The following DIP2C variants were observed in gnomAD, a reference collection of about 807,000 sequenced individuals.
DIP2C encodes disco-interacting protein 2 homolog C.
In DIP2C, 33 loss-of-function variants were observed where a neutral mutation model predicts 192.4. The observed-to-expected ratio is 0.17, with a 90% CI of 0.13 to 0.23. The LOEUF (loss-of-function observed/expected upper bound fraction) is 0.23, where lower values mean the gene tolerates loss of function less well. DIP2C is among the 10% of genes least tolerant of loss of function. DIP2C has a pLI of 1.00. For missense variants in DIP2C, 1,537 were observed against 2,110.1 expected (o/e 0.73, Z 5.32); for synonymous variants, 979 against 864.1 (o/e 1.13, Z -2.33).
chr10:651,423 A>C lies in DIP2C; in HGVS notation c.85+38071T>G, dbSNP rs1244826350. Reference sequence around the variant, plus strand: ...AACCAAACTCGTGACTGAATGAACAAGTATGTTAAGTCGTTAAGTAAAAAT... The same window carrying C: ...AACCAAACTCGTGACTGAATGAACACGTATGTTAAGTCGTTAAGTAAAAAT... On this transcript the variant is annotated intron_variant, in intron 1 of 36. Transcript: ENST00000280886. The surrounding 1 kb of genome is among the most constrained non-coding windows in gnomAD (Gnocchi z 4.1). 1 of 692,696 alleles carries C rather than the reference A, an allele frequency of 1.4e-6. No individual in the cohort carries two copies. Among genetic ancestry groups the C allele is most frequent in the South Asian group, 1.5e-5 (1 of 66,468 alleles). 42.9% of individuals were successfully genotyped at this position (692,696 alleles called of 1,614,324 possible). A position where few individuals can be genotyped will look rare whatever the true frequency, so the allele number is the denominator to read the frequency against.
intron 1 of DIP2C, among the ~76,000 whole-genome samples, chr10:596,445 G>A (rs1362078222): frequency 1.6e-5 from 2 of 126,026 alleles, no homozygotes; most frequent in Admixed American, 1.0e-4. Context: ...GCAGTGAGCC[G>A]AGATCATGCC....
At chr10:534,687 T>G (rs1405309510) in intron 1 of DIP2C, among the ~76,000 whole-genome samples, 2 of 150,752 alleles carry the variant, frequency 1.3e-5, no homozygotes, top group Non-Finnish European at 3.0e-5. Flanking sequence ...TTTTTTTTTT[T>G]GAGACGGAGT....
intron 22 of DIP2C, among the ~76,000 whole-genome samples, chr10:358,845 A>G: frequency 1.2e-5 from 1 of 84,266 alleles, no homozygotes; most frequent in Non-Finnish European, 2.4e-5. Flanking sequence ...GGGGATGGGC[A>G]GGGGGAGGAG....
At chr10:570,233 C>T (rs957905026) in intron 1 of DIP2C, among the ~76,000 whole-genome samples, 2 of 152,176 alleles carry the variant, frequency 1.3e-5, no homozygotes, top group Non-Finnish European at 2.9e-5. Flanking sequence ...AAGGAAGACA[C>T]TATGTAGATC....
At chr10:450,755 CAG>C (rs1260680819) in intron 3 of DIP2C, among the ~76,000 whole-genome samples, 6 of 152,252 alleles carry the variant, frequency 3.9e-5, no homozygotes, top group South Asian at 2.1e-4. Context: ...CAAGAGAAAA[CAG>C]AAACACTGAT....
At chr10:516,190 G>A (rs1033955186) in intron 1 of DIP2C, among the ~76,000 whole-genome samples, 6 of 145,112 alleles carry the variant, frequency 4.1e-5, no homozygotes, top group Admixed American at 1.4e-4. Flanking sequence ...TACATCTTCC[G>A]GGCAGGAAAG....
chr10:628,248 G>C (rs919526740), intron 1 of DIP2C, among the ~76,000 whole-genome samples: 1 of 152,226 alleles, frequency 6.6e-6, no homozygotes, highest in Non-Finnish European at 1.5e-5. Context: ...TAACCAGGTA[G>C]AACAGTGTTC....
In DIP2C at chr10:415,780, T is replaced by G; in HGVS notation, c.848A>C (p.Glu283Ala). 6.2e-7 allele frequency: 1 copy of G among 1,614,018 alleles called. No homozygotes were observed. Among genetic ancestry groups the G allele is most frequent in the Non-Finnish European group, 8.5e-7 (1 of 1,179,962 alleles). The change falls in exon 7 of 37, where the codon GAA becomes GCA. Residue 283 changes from glutamate (E) to alanine (A), a missense_variant. By Grantham distance (107) the Glu-to-Ala change is moderately radical (BLOSUM62 -1). Around this residue, in one of 4 missense-constraint regions of DIP2C, gnomAD observed 473 missense variants for 539.6 expected, o/e 0.88. Transcript: ENST00000280886. ...AAGAGTTCTCTCACCTTCTAATAAT[T>G]CTTCAAAGTCATCGACAAAGAATTC... ...LREFFVDDFEELLEVQQPDPN... is the reference protein window; with the variant it reads ...LREFFVDDFEALLEVQQPDPN...
chr10:446,781 C>T lies in DIP2C; in HGVS notation c.269-5785G>A, dbSNP rs78186933. On this transcript the variant is annotated intron_variant, in intron 3 of 36. Coordinates refer to ENST00000280886, the MANE Select transcript of DIP2C (RefSeq NM_014974.3). Reference sequence around the variant, plus strand: ...CTGATGTGACAGGAAATTCGTATAACGACTATTAAATTTCAACAGATGTTT... The same window carrying T: ...CTGATGTGACAGGAAATTCGTATAATGACTATTAAATTTCAACAGATGTTT... Among the ~76,000 whole-genome samples the T allele has an allele frequency of 6.2e-3, 937 of 152,260 alleles. 12 individuals carry two copies. The highest frequency in any genetic ancestry group is 0.022 in the African/African-American group (895 of 41,558).
In DIP2C at chr10:663,201, A is replaced by G. The variant is rs115080840; in HGVS notation, c.85+26293T>C. On this transcript the variant is annotated intron_variant, in intron 1 of 36. Transcript: ENST00000280886. Reference sequence around the variant, plus strand: ...TAAATAAACTGTGGAAAACTGGGAGATGGTACAAGAAAGCAAGGATGCCAA... The same window carrying G: ...TAAATAAACTGTGGAAAACTGGGAGGTGGTACAAGAAAGCAAGGATGCCAA... 500 of 368,606 alleles carry G rather than the reference A, an allele frequency of 1.4e-3. 2 individuals are homozygous for G. Among genetic ancestry groups the G allele is most frequent in the African/African-American group, 9.4e-3 (460 of 48,764 alleles). The allele number at this position is 368,606 out of a possible 1,614,324, so 22.8% of individuals were successfully genotyped here. A position where few individuals can be genotyped will look rare whatever the true frequency, so the allele number is the denominator to read the frequency against.
At chr10:558,500 G>A (rs1211201431) in intron 1 of DIP2C, among the ~76,000 whole-genome samples, 1 of 152,196 alleles carries the variant, frequency 6.6e-6, no homozygotes, top group Non-Finnish European at 1.5e-5. Context: ...GTAGATACGG[G>A]GGGTGGAGGC....
intron 36 of DIP2C, among the ~76,000 whole-genome samples, 184 bp downstream of exon 36, chr10:281,016 C>T (rs1274490988): frequency 3.9e-5 from 6 of 152,210 alleles, no homozygotes; most frequent in Non-Finnish European, 7.3e-5. Flanking sequence ...GGTACATTAA[C>T]TCTACATGTG....
chr10:458,478 C>T (rs1378609130), intron 3 of DIP2C, among the ~76,000 whole-genome samples: 2 of 152,072 alleles, frequency 1.3e-5, no homozygotes, highest in Non-Finnish European at 2.9e-5. Context: ...CCTGCCTCAC[C>T]GGCAGCGCGT....
At chr10:644,791 T>TG (rs1855369332) in intron 1 of DIP2C, among the ~76,000 whole-genome samples, 1 of 152,276 alleles carries the variant, frequency 6.6e-6, no homozygotes. Context: ...CTGCCCCTAC[T>TG]TCTCAAAAGT....
At chr10:426,655 T>C (rs1966617362) in intron 4 of DIP2C, among the ~76,000 whole-genome samples, 1 of 152,258 alleles carries the variant, frequency 6.6e-6, no homozygotes, top group Non-Finnish European at 1.5e-5. Flanking sequence ...AGAATAGATG[T>C]ATACATCAAA....
intron 1 of DIP2C, among the ~76,000 whole-genome samples, chr10:609,239 C>G (rs575495601): frequency 1.3e-5 from 2 of 152,196 alleles, no homozygotes; most frequent in South Asian, 4.2e-4. Context: ...CTTACAGGAA[C>G]TTTCCAAAAG....
intron 1 of DIP2C, among the ~76,000 whole-genome samples, chr10:521,817 G>C (rs1169328851): frequency 6.6e-6 from 1 of 152,072 alleles, no homozygotes; most frequent in East Asian, 1.9e-4. Flanking sequence ...GCAAAATCGG[G>C]AGGAAAGCAC....
At chr10:646,115 G>GT (rs1241946961) in intron 1 of DIP2C, among the ~76,000 whole-genome samples, 1 of 152,224 alleles carries the variant, frequency 6.6e-6, no homozygotes, top group Non-Finnish European at 1.5e-5. Flanking sequence ...AACACTGGCT[G>GT]TGTCAGCTGG....
intron 5 of DIP2C, 32 bp downstream of exon 5, chr10:422,792 A>T: frequency 6.3e-7 from 1 of 1,594,264 alleles, no homozygotes; most frequent in Non-Finnish European, 8.5e-7. Context: ...TTTACACAAC[A>T]GGCACAGAAA....
Sources: allele counts gnomAD v4.1 joint callset (sites outside exome capture counted in the v4.1 genomes callset), GRCh38; gene constraint gnomAD v4.1.1; regional missense constraint gnomAD v4.1.1; non-coding constraint Gnocchi (gnomAD v3.1); transcripts MANE v1.5; gene names NCBI Gene and HGNC (gene_info 2026-07-23, HGNC 2026-07-21).